FRMPD4: variants seen among roughly 807,000 people sequenced by gnomAD.
The protein encoded by FRMPD4 is FERM and PDZ domain containing 4, also known as FERM and PDZ domain-containing protein 4.
Under a neutral mutation model 94.1 loss-of-function variants are expected in FRMPD4, and 22 were observed. The ratio of observed to expected loss-of-function variants is 0.23; its 90% CI spans 0.17 to 0.33. The LOEUF (loss-of-function observed/expected upper bound fraction) is 0.33, where lower values mean the gene tolerates loss of function less well. Among genes scored for constraint, FRMPD4 ranks in the 10% least tolerant of loss-of-function variants. The pLI is 1.00. For synonymous variants in FRMPD4, 631 were observed against 548.6 expected, an observed-to-expected ratio of 1.15 and a Z score of -2.10; for missense variants, 1,111 against 1,339.9, an observed-to-expected ratio of 0.83 and a Z score of 2.67.
intron 3 of FRMPD4, among the ~76,000 whole-genome samples, chrX:12,051,605 ATTGTG>A (rs1219055608): frequency 4.5e-5 from 5 of 112,299 alleles, no homozygotes; most frequent in African/African-American, 1.6e-4. Context: ...AAGCTAAAAC[ATTGTG>A]TCCTTTTCTT....
chrX:12,465,640 C>G (rs1236390912), intron 1 of FRMPD4, among the ~76,000 whole-genome samples: 1 of 111,837 alleles, frequency 8.9e-6, no homozygotes, highest in African/African-American at 3.2e-5. Context: ...GTCTTTAATG[C>G]TACACTTTTA....
intron 2 of FRMPD4, among the ~76,000 whole-genome samples, chrX:12,503,583 A>G: frequency 8.9e-6 from 1 of 111,891 alleles, no homozygotes. Flanking sequence ...TCAATGTAAA[A>G]TGTGTTTTTG....
At chrX:12,419,104 T>C (rs2056849379) in intron 1 of FRMPD4, among the ~76,000 whole-genome samples, 1 of 111,976 alleles carries the variant, frequency 8.9e-6, no homozygotes, top group Admixed American at 9.4e-5. Context: ...TCCCTCCTCC[T>C]GTATCATGAT....
At chrX:12,200,205 G>A (rs1402956166) in intron 1 of FRMPD4, among the ~76,000 whole-genome samples, 1 of 111,583 alleles carries the variant, frequency 9.0e-6, no homozygotes, top group African/African-American at 3.3e-5. Flanking sequence ...GTTTGTTTTG[G>A]GAAAGGGTGA....
chrX:12,434,754 G>A (rs2057046088), intron 1 of FRMPD4, among the ~76,000 whole-genome samples: 1 of 112,571 alleles, frequency 8.9e-6, no homozygotes, highest in South Asian at 3.7e-4. Context: ...AAAAGCACAG[G>A]GCAGCTACAC....
intron 1 of FRMPD4, among the ~76,000 whole-genome samples, chrX:12,316,694 T>A (rs1319117567): frequency 9.0e-6 from 1 of 111,202 alleles, no homozygotes; most frequent in Admixed American, 9.6e-5. Flanking sequence ...GTAAATCCAC[T>A]ACTAGGTGTG....
intron 1 of FRMPD4, among the ~76,000 whole-genome samples, chrX:12,405,997 C>T (rs1004940618): frequency 1.8e-5 from 2 of 111,160 alleles, no homozygotes; most frequent in African/African-American, 3.3e-5. Flanking sequence ...GGTTTATCTC[C>T]GATTATGCTA....
At chrX:12,176,887 C>T (rs767172903) in intron 1 of FRMPD4, among the ~76,000 whole-genome samples, 1 of 111,790 alleles carries the variant, frequency 8.9e-6, no homozygotes, top group African/African-American at 3.2e-5. Context: ...AATACAATTT[C>T]TCAGATCCTC....
chrX:11,870,230 C>A (rs894346816), intron 2 of FRMPD4, among the ~76,000 whole-genome samples: 2 of 111,698 alleles, frequency 1.8e-5, no homozygotes, highest in African/African-American at 3.3e-5. Flanking sequence ...ACACCATGAT[C>A]CCACTTGATG....
At chrX:11,922,458 T>C (rs766561390) in intron 3 of FRMPD4, among the ~76,000 whole-genome samples, 1 of 111,738 alleles carries the variant, frequency 8.9e-6, no homozygotes, top group East Asian at 2.8e-4. Context: ...AGGCCCCACC[T>C]CTAATACTGG....
At chrX:12,381,157 A>T (rs2056312249) in intron 1 of FRMPD4, among the ~76,000 whole-genome samples, 1 of 112,365 alleles carries the variant, frequency 8.9e-6, no homozygotes, top group Non-Finnish European at 1.9e-5. Flanking sequence ...GAAAGCAATG[A>T]AAGACATGCC....
At chrX:12,000,484 A>C (rs1423549505) in intron 3 of FRMPD4, among the ~76,000 whole-genome samples, 2 of 112,208 alleles carry the variant, frequency 1.8e-5, no homozygotes, top group Non-Finnish European at 3.8e-5. Context: ...CAATTATAGT[A>C]CTAGTATAAT....
chrX:12,455,261 T>C (rs2057321423), intron 1 of FRMPD4, among the ~76,000 whole-genome samples: 1 of 111,725 alleles, frequency 9.0e-6, no homozygotes, highest in African/African-American at 3.2e-5. Flanking sequence ...TTAGACACGT[T>C]TTCAGGATCC....
At chrX:11,858,917 G>T (rs1184465507) in intron 1 of FRMPD4, among the ~76,000 whole-genome samples, 2 of 111,744 alleles carry the variant, frequency 1.8e-5, no homozygotes, top group Non-Finnish European at 3.8e-5. Flanking sequence ...CTCTTCTCCT[G>T]ACTAAGGTAA....
chrX:11,844,112 C>T (rs765084727), intron 1 of FRMPD4, among the ~76,000 whole-genome samples: 17 of 107,077 alleles, frequency 1.6e-4, no homozygotes, highest in Admixed American at 9.0e-4. Flanking sequence ...CTCAGCCTCC[C>T]GAGTAGCTGG....
chrX:12,536,853 AG>A (rs1375850689), intron 2 of FRMPD4, among the ~76,000 whole-genome samples: 1 of 111,965 alleles, frequency 8.9e-6, no homozygotes, highest in Non-Finnish European at 1.9e-5. Flanking sequence ...GAGGCAAGTG[AG>A]GGGGGTCGTG....
intron 1 of FRMPD4, among the ~76,000 whole-genome samples, chrX:12,146,220 C>T (rs950999395): frequency 3.6e-5 from 4 of 110,182 alleles, no homozygotes; most frequent in Non-Finnish European, 7.6e-5. Flanking sequence ...AAAAATTAGC[C>T]GGGCGTGGTG....
At chrX:11,872,077 G>A (rs999373115) in intron 2 of FRMPD4, among the ~76,000 whole-genome samples, 1 of 112,147 alleles carries the variant, frequency 8.9e-6, no homozygotes, top group Non-Finnish European at 1.9e-5. Context: ...GGAATATGGT[G>A]CCCAATGAAA....
At chrX:12,615,824 CT>C (rs893043451) in intron 4 of FRMPD4, among the ~76,000 whole-genome samples, 1 of 110,278 alleles carries the variant, frequency 9.1e-6, no homozygotes, top group Non-Finnish European at 1.9e-5. Flanking sequence ...ATGGCAAAAA[CT>C]TCAATTACTT....
Sources: gnomAD v4.1 joint callset for allele counts (sites outside exome capture counted in the v4.1 genomes callset) on GRCh38, gnomAD v4.1.1 for gene constraint, MANE v1.5 for transcripts, NCBI Gene and HGNC (gene_info 2026-07-23, HGNC 2026-07-21) for gene names.